The following KIF13B variants were observed in gnomAD, a reference collection of about 807,000 sequenced individuals.
KIF13B encodes kinesin-like protein KIF13B.
KIF13B carries 127 observed loss-of-function variants against 222.0 expected under a neutral mutation model. That is an observed-to-expected ratio of 0.57 (90% CI 0.50 to 0.66). The LOEUF is 0.66. KIF13B is among the 30% of genes least tolerant of loss of function. The probability of loss-of-function intolerance (pLI) is 0.00; values close to 1 mark genes in which losing one functional copy is unlikely to be tolerated. For synonymous variants in KIF13B, 976 were observed against 919.0 expected (o/e 1.06, Z -1.12); for missense variants, 2,173 against 2,379.0 (o/e 0.91, Z 1.80).
chr8:29,092,757 G>C lies in KIF13B; in HGVS notation c.4446C>G (p.Pro1482=), dbSNP rs1468664013. The C allele has an allele frequency of 1.9e-6, 3 of 1,612,476 alleles. No homozygotes were observed. The highest frequency in any genetic ancestry group is 3.4e-5 in the Admixed American group (2 of 59,680). Residue 1482 remains proline, a synonymous_variant, in exon 37 of 40, where the codon CCC becomes CCG. Coordinates refer to ENST00000524189, the MANE Select transcript of KIF13B (RefSeq NM_015254.4). ...RDEKRGKRPS[P]LAHQPVPRIM... is the part of the protein sequence containing the mutation. ...CGGTGCTTTTTACCTGGTGTGCGAG[G>C]GGAGACGGCCGCTTGCCCCTCTTCT...
intron 37 of KIF13B, among the ~76,000 whole-genome samples, chr8:29,092,197 G>A (rs951941031): frequency 6.6e-6 from 1 of 152,214 alleles, no homozygotes; most frequent in African/African-American, 2.4e-5. Context: ...TATTGCATAA[G>A]AGCAGCTTCC....
In KIF13B at chr8:29,187,821, T is replaced by A. The variant is rs369431940; in HGVS notation, c.316+694A>T. ...AGGACTTCTGTAAAAAGTTTGCACA[T>A]GGGAACTCGTTATGACAACCCTACA... On this transcript the variant is annotated intron_variant, in intron 5 of 39. Coordinates refer to ENST00000524189, the MANE Select transcript of KIF13B (RefSeq NM_015254.4). Among the ~76,000 whole-genome samples the A allele has an allele frequency of 8.5e-5, 13 of 152,336 alleles. No homozygotes were observed. The South Asian group carries it at 2.7e-3, about 32-fold the overall frequency.
chr8:29,108,768 C>T (rs1809218123), intron 34 of KIF13B, among the ~76,000 whole-genome samples: 1 of 152,184 alleles, frequency 6.6e-6, no homozygotes, highest in South Asian at 2.1e-4. Flanking sequence ...GACACTAAGG[C>T]CAAGGTCAGC....
intron 15 of KIF13B, among the ~76,000 whole-genome samples, 182 bp downstream of exon 15, chr8:29,150,115 G>A (rs1192725113): frequency 1.3e-5 from 2 of 152,112 alleles, no homozygotes; most frequent in African/African-American, 4.8e-5. Context: ...TATGTCCCTA[G>A]GGTTCAGACC....
At chr8:29,196,337 C>A in intron 2 of KIF13B, 138 bp from the exon 3 acceptor site, 1 of 720,400 alleles carries the variant, frequency 1.4e-6, no homozygotes, top group Non-Finnish European at 2.3e-6. Context: ...TAAAATAATA[C>A]CTTTGAAGCC....
intron 37 of KIF13B, among the ~76,000 whole-genome samples, chr8:29,079,112 C>G (rs907825913): frequency 2.0e-5 from 3 of 152,182 alleles, no homozygotes; most frequent in African/African-American, 7.2e-5. Context: ...AGGGGACACA[C>G]CTTGCTTTGC....
chr8:29,151,743 C>A (rs902505709), intron 14 of KIF13B, among the ~76,000 whole-genome samples: 7 of 151,634 alleles, frequency 4.6e-5, no homozygotes, highest in Admixed American at 1.3e-4. Context: ...CACCTGATCA[C>A]CCAAGAGCTC....
At chr8:29,138,622 C>G (rs570809979) in intron 21 of KIF13B, 1 of 152,352 alleles carries the variant, frequency 6.6e-6, no homozygotes, top group African/African-American at 2.4e-5. Flanking sequence ...ACAAAGCACC[C>G]TGGCTGCCTC....
intron 1 of KIF13B, among the ~76,000 whole-genome samples, chr8:29,253,828 CAAAAAAAAAAAA>C (rs1163069689): frequency 2.8e-4 from 6 of 21,546 alleles, no homozygotes; most frequent in East Asian, 1.5e-3. Context: ...GAGACTGTCT[CAAAAAAAAAAAA>C]AAAAAAAAAA....
intron 6 of KIF13B, among the ~76,000 whole-genome samples, chr8:29,182,214 A>T (rs1351150390): frequency 1.3e-5 from 2 of 152,242 alleles, no homozygotes; most frequent in Non-Finnish European, 2.9e-5. Flanking sequence ...CACATCACTC[A>T]AAAGGGTATA....
intron 2 of KIF13B, among the ~76,000 whole-genome samples, chr8:29,220,996 A>C (rs1348773171): frequency 1.3e-5 from 2 of 151,812 alleles, no homozygotes. Context: ...ACATACATTA[A>C]CTGGGTGCGG....
intron 21 of KIF13B, among the ~76,000 whole-genome samples, chr8:29,135,926 C>T (rs1442603090): frequency 2.0e-5 from 3 of 150,470 alleles, no homozygotes; most frequent in Admixed American, 1.3e-4. Flanking sequence ...AAACACATTT[C>T]GAGAAGTATT....
intron 15 of KIF13B, 101 bp from the exon 16 acceptor site, chr8:29,148,868 G>T: frequency 1.2e-6 from 1 of 865,742 alleles, no homozygotes; most frequent in African/African-American, 1.7e-5. Flanking sequence ...TGGATACCAT[G>T]TAAGTACAAG....
chr8:29,074,435 G>GA (rs1434318284), intron 38 of KIF13B, among the ~76,000 whole-genome samples: 1 of 152,256 alleles, frequency 6.6e-6, no homozygotes, highest in African/African-American at 2.4e-5. Flanking sequence ...TTGAAACCCA[G>GA]ATGCCATCTA....
At chr8:29,136,797 T>C (rs66740669) in intron 21 of KIF13B, among the ~76,000 whole-genome samples, 2 of 113,062 alleles carry the variant, frequency 1.8e-5, no homozygotes, top group Admixed American at 1.1e-4. Flanking sequence ...TGTAACAGGT[T>C]TTTTTTTTTT....
chr8:29,125,427 C>T (rs747679262), intron 26 of KIF13B, among the ~76,000 whole-genome samples: 10 of 152,194 alleles, frequency 6.6e-5, no homozygotes, highest in Middle Eastern at 3.4e-3. Flanking sequence ...GAGAAACGTG[C>T]GATGCATCTA....
At chr8:29,198,925 G>C (rs1199505937) in intron 2 of KIF13B, among the ~76,000 whole-genome samples, 1 of 152,072 alleles carries the variant, frequency 6.6e-6, no homozygotes, top group Non-Finnish European at 1.5e-5. Context: ...AGAAGAGGGG[G>C]AGCAGGAGGG....
chr8:29,223,287 G>A (rs187158203), intron 2 of KIF13B, among the ~76,000 whole-genome samples: 4 of 132,792 alleles, frequency 3.0e-5, no homozygotes, highest in African/African-American at 1.1e-4. Flanking sequence ...AGTGAGCCCC[G>A]ATCACACCAC....
intron 21 of KIF13B, 60 bp from the exon 22 acceptor site, chr8:29,134,270 T>C (rs1211743168): frequency 1.7e-5 from 26 of 1,546,942 alleles, no homozygotes; most frequent in Non-Finnish European, 2.2e-5. Flanking sequence ...GCATTCAGAG[T>C]TGCAGGTTCC....
Sources: allele counts gnomAD v4.1 joint callset (sites outside exome capture counted in the v4.1 genomes callset), GRCh38; gene constraint gnomAD v4.1.1; transcripts MANE v1.5; gene names NCBI Gene and HGNC (gene_info 2026-07-23, HGNC 2026-07-21).